The following MYH10 variants were observed in gnomAD, a reference collection of about 807,000 sequenced individuals.
MYH10 encodes myosin heavy chain 10.
A neutral mutation model predicts 257.8 loss-of-function variants in MYH10; 55 were observed. The observed-to-expected ratio is 0.21, with a 90% CI of 0.17 to 0.27. The LOEUF (loss-of-function observed/expected upper bound fraction) is 0.27, where lower values mean the gene tolerates loss of function less well. MYH10 is among the 10% of genes least tolerant of loss of function. The pLI is 1.00. For synonymous variants in MYH10, 854 were observed against 921.7 expected (o/e 0.93, Z 1.33); for missense variants, 1,631 against 2,500.6 (o/e 0.65, Z 7.42).
chr17:8,589,541 A>C (rs891944944), intron 3 of MYH10, among the ~76,000 whole-genome samples: 13 of 152,304 alleles, frequency 8.5e-5, no homozygotes, highest in African/African-American at 2.6e-4. Flanking sequence ...ACACCTGGCC[A>C]GATTTGGAAA....
intron 22 of MYH10, 43 bp downstream of exon 22, chr17:8,513,743 C>T (rs565002591): frequency 6.2e-7 from 1 of 1,611,104 alleles, no homozygotes; most frequent in Admixed American, 1.7e-5. Context: ...TGATCAGACT[C>T]TGCTATTTGA....
At chr17:8,554,847 G>A (rs1435376097) in intron 7 of MYH10, among the ~76,000 whole-genome samples, 3 of 152,206 alleles carry the variant, frequency 2.0e-5, no homozygotes, top group African/African-American at 7.2e-5. Flanking sequence ...CAGCTACTCG[G>A]GAGGCAGAGG....
intron 3 of MYH10, among the ~76,000 whole-genome samples, chr17:8,594,751 C>T (rs2084296914): frequency 6.6e-6 from 1 of 152,190 alleles, no homozygotes; most frequent in South Asian, 2.1e-4. Context: ...TGCAAATACC[C>T]TACACACATC....
chr17:8,474,616 T>G lies in MYH10; in HGVS notation c.*1188A>C, dbSNP rs1026230642. 6.6e-6 allele frequency: 1 copy of G among 152,614 alleles called. No homozygotes were observed. Among genetic ancestry groups the G allele is most frequent in the Non-Finnish European group, 1.5e-5 (1 of 68,038 alleles). 9.5% of individuals were successfully genotyped at this position (152,614 alleles called of 1,614,324 possible). The stretch of plus-strand genomic sequence containing the variant: ...GAAGCACAGTCAAAACTGAATACAT[T>G]AAATTGTTATAGAGGCGAATGATAT... On this transcript the variant is annotated 3_prime_UTR_variant, in exon 43 of 43. Transcript: ENST00000360416.
At chr17:8,515,844 G>A (rs970279150) in intron 21 of MYH10, among the ~76,000 whole-genome samples, 2 of 151,972 alleles carry the variant, frequency 1.3e-5, no homozygotes, top group East Asian at 1.9e-4. Context: ...GTGCCTGGCC[G>A]GGATTGGCCA....
At chr17:8,608,522 C>G (rs1044884363) in intron 2 of MYH10, among the ~76,000 whole-genome samples, 1 of 152,206 alleles carries the variant, frequency 6.6e-6, no homozygotes, top group African/African-American at 2.4e-5. Context: ...CTTTAATGTA[C>G]TGACACTGTG....
Position 8,569,980 on chromosome 17 carries a change from G to A in MYH10, c.664-168C>T, listed in dbSNP as rs2083284993. 6.6e-6 allele frequency among the ~76,000 whole-genome samples: 1 copy of A among 152,144 alleles called. No individual in the cohort carries two copies. Among genetic ancestry groups the A allele is most frequent in the South Asian group, 2.1e-4 (1 of 4,824 alleles). ...TTGTTGGCTTCTTAATCCTGGTTAT[G>A]ATAATGGACTCCACTAAAGGAAAAA... On this transcript the variant is annotated intron_variant, in intron 6 of 42. Transcript: ENST00000360416. The surrounding 1 kb of genome is among the most constrained non-coding windows in gnomAD (Gnocchi z 4.1).
At chr17:8,544,285 GTCT>G (rs1220692603) in intron 13 of MYH10, among the ~76,000 whole-genome samples, 37 of 151,882 alleles carry the variant, frequency 2.4e-4, no homozygotes, top group African/African-American at 8.5e-4. Context: ...ACTTGTTCAA[GTCT>G]TCTTTTCTTT....
chr17:8,513,701 T>A (rs781073931), intron 22 of MYH10, 32 bp from the exon 23 acceptor site: 91 of 1,558,938 alleles, frequency 5.8e-5, no homozygotes, highest in Non-Finnish European at 7.3e-5. Flanking sequence ...TTTTTTTTTT[T>A]ATCATTCCAG....
intron 2 of MYH10, among the ~76,000 whole-genome samples, chr17:8,606,069 A>T (rs2084791456): frequency 6.6e-6 from 1 of 152,206 alleles, no homozygotes. Context: ...TTTAAAATGT[A>T]TTTTAATTAC....
chr17:8,548,051 G>A (rs1327175031), intron 11 of MYH10, among the ~76,000 whole-genome samples: 1 of 151,960 alleles, frequency 6.6e-6, no homozygotes, highest in Non-Finnish European at 1.5e-5. Context: ...GTGACCTCCT[G>A]CGGCTGAGTT....
chr17:8,578,668 T>C (rs534158718), intron 4 of MYH10, among the ~76,000 whole-genome samples: 53 of 152,252 alleles, frequency 3.5e-4, no homozygotes, highest in Middle Eastern at 6.8e-3. Context: ...TTTCAAAAGT[T>C]TTCATTTCTA....
At chr17:8,576,050 T>G (rs2083486514) in intron 6 of MYH10, among the ~76,000 whole-genome samples, 1 of 152,210 alleles carries the variant, frequency 6.6e-6, no homozygotes, top group Non-Finnish European at 1.5e-5. Flanking sequence ...TGTGTGATCA[T>G]AGCTCACTGC....
At chr17:8,508,042 A>G (rs960640438) in intron 26 of MYH10, among the ~76,000 whole-genome samples, 1 of 152,094 alleles carries the variant, frequency 6.6e-6, no homozygotes, top group Non-Finnish European at 1.5e-5. Context: ...TAATCTTAAG[A>G]GCCCTTTTTA....
In MYH10 at chr17:8,503,457, A is replaced by G. The variant is rs773524398; in HGVS notation, c.3599+1237T>C. Among the ~76,000 whole-genome samples the G allele has an allele frequency of 1.1e-3, 172 of 152,262 alleles. 5 individuals are homozygous for G. Among genetic ancestry groups the G allele is most frequent in the Admixed American group, 5.2e-4 (8 of 15,296 alleles). ...CATATTCATGGCTAGGATCATGGCA[A>G]ACATTCCAAGGCTCACCCCTCTGTT... is the stretch of plus-strand genomic sequence containing the variant. On this transcript the variant is annotated intron_variant, in intron 28 of 42. Coordinates refer to ENST00000360416, the MANE Select transcript of MYH10 (RefSeq NM_001256012.3).
intron 14 of MYH10, among the ~76,000 whole-genome samples, chr17:8,538,062 C>T (rs959449179): frequency 2.0e-5 from 3 of 152,174 alleles, no homozygotes; most frequent in Non-Finnish European, 4.4e-5. Context: ...ACAGCATTTT[C>T]CTTCTAGAAA....
chr17:8,576,718 CTT>C, intron 5 of MYH10, 46 bp from the exon 6 acceptor site: 1 of 1,537,060 alleles, frequency 6.5e-7, no homozygotes. Context: ...AAGTTTGAGT[CTT>C]TGCCTAGCAG....
chr17:8,540,121 C>A (rs1191846129), intron 14 of MYH10, among the ~76,000 whole-genome samples: 1 of 152,184 alleles, frequency 6.6e-6, no homozygotes, highest in Non-Finnish European at 1.5e-5. Context: ...TCCTGAGTAG[C>A]CGAGACTACA....
chr17:8,603,008 G>C (rs182923121), intron 3 of MYH10, among the ~76,000 whole-genome samples: 467 of 152,248 alleles, frequency 3.1e-3, no homozygotes, highest in Non-Finnish European at 3.3e-3. Flanking sequence ...TTACTAAAGA[G>C]GAGTTTTCAC....
Sources: allele counts gnomAD v4.1 joint callset (sites outside exome capture counted in the v4.1 genomes callset), GRCh38; gene constraint gnomAD v4.1.1; non-coding constraint Gnocchi (gnomAD v3.1); transcripts MANE v1.5; gene names NCBI Gene and HGNC (gene_info 2026-07-23, HGNC 2026-07-21).